Variants in ODAD2 observed in about 807,000 individuals in gnomAD.
The protein encoded by ODAD2 is outer dynein arm docking complex subunit 2.
A neutral mutation model predicts 106.8 loss-of-function variants in ODAD2; 89 were observed. That is an observed-to-expected ratio of 0.83 (90% CI 0.70 to 0.99). ODAD2 has a LOEUF of 0.99. ODAD2 is among the 50% of genes least tolerant of loss of function. The probability of loss-of-function intolerance (pLI) is 0.00; values close to 1 mark genes in which losing one functional copy is unlikely to be tolerated. For synonymous variants in ODAD2, 404 were observed against 436.2 expected (o/e 0.93, Z 0.92); for missense variants, 1,168 against 1,238.5 (o/e 0.94, Z 0.85).
intron 16 of ODAD2, among the ~76,000 whole-genome samples, chr10:27,921,893 G>A (rs1197487565): frequency 1.3e-5 from 2 of 150,254 alleles, no homozygotes; most frequent in Non-Finnish European, 3.0e-5. Context: ...TAGGCCGGGC[G>A]CCTTGGCTCA....
At chr10:27,857,543 C>T (rs554198676) in intron 19 of ODAD2, among the ~76,000 whole-genome samples, 1 of 152,292 alleles carries the variant, frequency 6.6e-6, no homozygotes, top group East Asian at 1.9e-4. Flanking sequence ...TAAAGTGTGA[C>T]TGCTAGAAAA....
chr10:27,887,550 C>T (rs1444575033), intron 17 of ODAD2, among the ~76,000 whole-genome samples: 1 of 151,914 alleles, frequency 6.6e-6, no homozygotes, highest in African/African-American at 2.4e-5. Context: ...GTACAATAAA[C>T]GTTCTCCAGG....
intron 17 of ODAD2, among the ~76,000 whole-genome samples, chr10:27,888,647 G>A (rs1842381879): frequency 6.6e-6 from 1 of 152,018 alleles, no homozygotes; most frequent in African/African-American, 2.4e-5. Context: ...TACTTTGGCT[G>A]TGTAAAAGCT....
At chr10:27,994,860 A>G in intron 2 of ODAD2, 59 bp downstream of exon 2, 1 of 1,572,242 alleles carries the variant, frequency 6.4e-7, no homozygotes. Context: ...ACCTAGAACC[A>G]ATTGATAATA....
intron 2 of ODAD2, among the ~76,000 whole-genome samples, chr10:27,992,228 C>G (rs1850277916): frequency 6.6e-6 from 1 of 152,172 alleles, no homozygotes; most frequent in Non-Finnish European, 1.5e-5. Flanking sequence ...CCTCTCTCTA[C>G]CCTTCCAACA....
intron 19 of ODAD2, among the ~76,000 whole-genome samples, chr10:27,858,353 G>A (rs1487217850): frequency 6.6e-6 from 1 of 152,106 alleles, no homozygotes; most frequent in Non-Finnish European, 1.5e-5. Context: ...TATTTCTGCT[G>A]GTAACACAGC....
Position 27,944,311 on chromosome 10 carries a change from T to G in ODAD2, c.1654A>C (p.Lys552Gln), listed in dbSNP as rs138205369. ...GCGATAGTCTCGGCTGCCAAACATT[T>G]TAGACTCTTGTGTGGAGAATCAAGT... ...NILDSPHKSL[K>Q]CLAAETIANV... The change falls in exon 12 of 20, where the codon AAA becomes CAA. Residue 552 changes from lysine to glutamine, a missense_variant. Around this residue, in one of 3 missense-constraint regions of ODAD2, gnomAD observed 701 missense variants for 712.3 expected, o/e 0.98. Transcript: ENST00000305242. 2.9e-4 allele frequency: 467 copies of G among 1,614,062 alleles called. 1 individual carries two copies. The African/African-American group carries it at 5.1e-3, about 18-fold the overall frequency.
chr10:27,934,409 ATATATG>A (rs1845819299), intron 16 of ODAD2, among the ~76,000 whole-genome samples: 1 of 149,960 alleles, frequency 6.7e-6, no homozygotes, highest in African/African-American at 2.4e-5. Flanking sequence ...GTCTTTATAC[ATATATG>A]TATATGTATC....
chr10:27,866,615 T>G (rs1237572416), intron 17 of ODAD2, among the ~76,000 whole-genome samples: 1 of 152,214 alleles, frequency 6.6e-6, no homozygotes, highest in African/African-American at 2.4e-5. Context: ...TGCCAGCATC[T>G]GCTTCTGGTG....
Position 27,976,679 on chromosome 10 carries a change from G to A in ODAD2, c.936+4787C>T, listed in dbSNP as rs962290978. Among the ~76,000 whole-genome samples the A allele has an allele frequency of 5.3e-5, 8 of 152,126 alleles. No individual in the cohort carries two copies. In the South Asian group the frequency reaches 6.2e-4, roughly 12 times the overall value. ...TAAGATGTCCATTTTTCCTAAATTCGTCTATAAATTCAAGGCAATCTCAAC... is the reference window on the plus strand; with the variant it reads ...TAAGATGTCCATTTTTCCTAAATTCATCTATAAATTCAAGGCAATCTCAAC... On this transcript the variant is annotated intron_variant, in intron 7 of 19. Transcript: ENST00000305242.
intron 19 of ODAD2, among the ~76,000 whole-genome samples, chr10:27,827,567 G>A (rs1317521334): frequency 6.6e-6 from 1 of 151,694 alleles, no homozygotes; most frequent in Non-Finnish European, 1.5e-5. Flanking sequence ...TCTTCCCCAG[G>A]CATCACATCC....
chr10:27,939,971 T>C lies in ODAD2; in HGVS notation c.2023A>G (p.Ile675Val). 6.2e-7 allele frequency: 1 copy of C among 1,611,124 alleles called. No homozygotes were observed. Among genetic ancestry groups the C allele is most frequent in the East Asian group, 2.2e-5 (1 of 44,540 alleles). ...YRAAIKAERIIENLVKNLNSE... is the reference protein window; with the variant it reads ...YRAAIKAERIVENLVKNLNSE... ...TTTAGGTTCTTGACAAGGTTTTCAATGATCCTTTCTGCTTTGATTGCAGCC... is the reference window on the plus strand; with the variant it reads ...TTTAGGTTCTTGACAAGGTTTTCAACGATCCTTTCTGCTTTGATTGCAGCC... Residue 675 changes from isoleucine to valine, a missense_variant, in exon 14 of 20, where the codon ATT becomes GTT. This residue lies in a region of ODAD2 where 701 missense variants were observed against 712.3 expected (regional missense o/e 0.98). Transcript: ENST00000305242.
At chr10:27,814,943 G>T (rs1396303323) in intron 19 of ODAD2, among the ~76,000 whole-genome samples, 1 of 152,154 alleles carries the variant, frequency 6.6e-6, no homozygotes, top group African/African-American at 2.4e-5. Flanking sequence ...ATCAAAATTT[G>T]TGTCCCTCTC....
intron 7 of ODAD2, among the ~76,000 whole-genome samples, chr10:27,976,632 G>A (rs958701117): frequency 2.0e-5 from 3 of 152,084 alleles, no homozygotes; most frequent in Admixed American, 6.6e-5. Flanking sequence ...CTATGTTCAT[G>A]GATTAGAAAA....
chr10:27,844,547 C>T (rs749140530), intron 19 of ODAD2, among the ~76,000 whole-genome samples: 2 of 152,198 alleles, frequency 1.3e-5, no homozygotes, highest in African/African-American at 2.4e-5. Flanking sequence ...TCTAAACCCA[C>T]GCTCCTTGAG....
Position 27,860,760 on chromosome 10 carries a change from G to T in ODAD2, c.2886C>A (p.His962Gln), listed in dbSNP as rs754923153. ...WGRNRVAFGE[H>Q]KAVAPLVRYL... Reference sequence around the variant, plus strand: ...AACGCACTAGTGGAGCCACTGCTTTGTGCTCACCGAAGGCCACTCTATTCC... The same window carrying T: ...AACGCACTAGTGGAGCCACTGCTTTTTGCTCACCGAAGGCCACTCTATTCC... Residue 962 changes from histidine to glutamine, a missense_variant, in exon 19 of 20, where the codon CAC becomes CAA. Coordinates refer to ENST00000305242, the MANE Select transcript of ODAD2 (RefSeq NM_018076.5). The T allele has an allele frequency of 6.2e-7, 1 of 1,614,024 alleles. No homozygotes were observed. Among genetic ancestry groups the T allele is most frequent in the African/African-American group, 1.3e-5 (1 of 74,922 alleles).
chr10:27,949,437 A>T (rs1847171549), intron 10 of ODAD2, among the ~76,000 whole-genome samples: 1 of 152,224 alleles, frequency 6.6e-6, no homozygotes, highest in African/African-American at 2.4e-5. Flanking sequence ...ACTCACAGGG[A>T]AAGAACATCT....
intron 17 of ODAD2, among the ~76,000 whole-genome samples, chr10:27,891,770 T>C (rs1842578789): frequency 2.0e-5 from 3 of 152,080 alleles, no homozygotes; most frequent in African/African-American, 7.2e-5. Flanking sequence ...ATATTAAAAA[T>C]GCACTGATAT....
chr10:27,904,568 T>C (rs1471100486), intron 17 of ODAD2, among the ~76,000 whole-genome samples: 1 of 152,212 alleles, frequency 6.6e-6, no homozygotes, highest in Non-Finnish European at 1.5e-5. Context: ...AAATTCCCAT[T>C]TGTACTTAGG....
Sources: allele counts gnomAD v4.1 joint callset (sites outside exome capture counted in the v4.1 genomes callset), GRCh38; gene constraint gnomAD v4.1.1; regional missense constraint gnomAD v4.1.1; transcripts MANE v1.5; gene names NCBI Gene and HGNC (gene_info 2026-07-23, HGNC 2026-07-21).